RFX3: variants seen among roughly 807,000 people sequenced by gnomAD.
The protein encoded by RFX3 is transcription factor RFX3.
A neutral mutation model predicts 98.6 loss-of-function variants in RFX3; 14 were observed. The observed-to-expected ratio is 0.14, with a 90% confidence interval of 0.09 to 0.22. RFX3 has a LOEUF of 0.22. RFX3 is among the 10% of genes least tolerant of loss of function. The probability of loss-of-function intolerance (pLI) is 1.00; values close to 1 mark genes in which losing one functional copy is unlikely to be tolerated. For synonymous variants in RFX3, 383 were observed against 328.4 expected (o/e 1.17, Z -1.80); for missense variants, 639 against 926.9 (o/e 0.69, Z 4.03).
intron 9 of RFX3, among the ~76,000 whole-genome samples, chr9:3,271,953 C>T (rs1824544142): frequency 6.6e-6 from 1 of 152,230 alleles, no homozygotes; most frequent in Non-Finnish European, 1.5e-5. Context: ...TTAAGACTAT[C>T]TCCTTTTCAA....
At chr9:3,337,719 C>T (rs994040385) in intron 3 of RFX3, among the ~76,000 whole-genome samples, 6 of 152,156 alleles carry the variant, frequency 3.9e-5, no homozygotes, top group Non-Finnish European at 8.8e-5. Context: ...ATCACTTGTG[C>T]CTGCCTGTTT....
intron 15 of RFX3, among the ~76,000 whole-genome samples, chr9:3,242,993 A>C (rs1298923505): frequency 6.6e-6 from 1 of 151,952 alleles, no homozygotes; most frequent in Non-Finnish European, 1.5e-5. Context: ...TTTATGAAGC[A>C]ATCAAAATTT....
intron 2 of RFX3, among the ~76,000 whole-genome samples, chr9:3,354,092 A>C (rs1354467558): frequency 1.3e-5 from 2 of 152,052 alleles, no homozygotes; most frequent in African/African-American, 2.4e-5. Context: ...TTAAAATGAA[A>C]GCTTAGCAAT....
chr9:3,267,345 G>A (rs1308665389), intron 11 of RFX3, among the ~76,000 whole-genome samples: 2 of 151,820 alleles, frequency 1.3e-5, no homozygotes, highest in African/African-American at 4.8e-5. Flanking sequence ...ATTTTGGGCC[G>A]AGGTCCCCAG....
At chr9:3,385,421 A>C (rs1370564719) in intron 2 of RFX3, among the ~76,000 whole-genome samples, 1 of 152,172 alleles carries the variant, frequency 6.6e-6, no homozygotes, top group Admixed American at 6.6e-5. Context: ...TTGAAGAAGA[A>C]AACTCTTGGC....
chr9:3,327,207 A>T (rs1422008522), intron 4 of RFX3, among the ~76,000 whole-genome samples: 1 of 152,138 alleles, frequency 6.6e-6, no homozygotes, highest in African/African-American at 2.4e-5. Context: ...CTAAAAAAAA[A>T]AATCTTGATT....
At chr9:3,460,669 C>T (rs1393987882) in intron 1 of RFX3, among the ~76,000 whole-genome samples, 1 of 151,968 alleles carries the variant, frequency 6.6e-6, no homozygotes, top group Non-Finnish European at 1.5e-5. Context: ...TTCATAGACT[C>T]TCAGAGCTAA....
chr9:3,496,601 T>A (rs1003808152), intron 1 of RFX3, among the ~76,000 whole-genome samples: 2 of 152,032 alleles, frequency 1.3e-5, no homozygotes, highest in African/African-American at 4.8e-5. Flanking sequence ...ACTATCACGT[T>A]AAGCTCTCTC....
At chr9:3,479,781 T>A (rs749816653) in intron 1 of RFX3, among the ~76,000 whole-genome samples, 2 of 152,018 alleles carry the variant, frequency 1.3e-5, no homozygotes, top group Non-Finnish European at 1.5e-5. Context: ...AAACTGGAAG[T>A]GGGAAATCGA....
chr9:3,384,228 A>T (rs1839479019), intron 2 of RFX3, among the ~76,000 whole-genome samples: 1 of 152,104 alleles, frequency 6.6e-6, no homozygotes, highest in Non-Finnish European at 1.5e-5. Context: ...TGCATTATTT[A>T]GTGTATTCCT....
chr9:3,467,149 A>ATATATATGTATATACGTATATAATG (rs1848351487), intron 1 of RFX3, among the ~76,000 whole-genome samples: 1 of 97,666 alleles, frequency 1.0e-5, no homozygotes, highest in Non-Finnish European at 1.8e-5. Flanking sequence ...TATATACATA[A>ATATATATGTATATACGTATATAATG]TATATATGTA....
At chr9:3,414,036 T>A (rs181272413) in intron 1 of RFX3, among the ~76,000 whole-genome samples, 1 of 152,238 alleles carries the variant, frequency 6.6e-6, no homozygotes, top group African/African-American at 2.4e-5. Context: ...ACATATCTGC[T>A]AATAAACTTA....
chr9:3,504,988 GTT>G (rs1379505933), intron 1 of RFX3, among the ~76,000 whole-genome samples: 3 of 23,614 alleles, frequency 1.3e-4, no homozygotes, highest in African/African-American at 3.4e-4. Flanking sequence ...TAATATATAT[GTT>G]ATATATATTA....
intron 1 of RFX3, among the ~76,000 whole-genome samples, chr9:3,502,910 G>A (rs1816196824): frequency 6.6e-6 from 1 of 152,154 alleles, no homozygotes; most frequent in Non-Finnish European, 1.5e-5. Flanking sequence ...AAAGGAGAGT[G>A]ATGGATACAT....
At chr9:3,372,609 G>C (rs1023397321) in intron 2 of RFX3, among the ~76,000 whole-genome samples, 3 of 148,060 alleles carry the variant, frequency 2.0e-5, no homozygotes, top group Non-Finnish European at 4.5e-5. Flanking sequence ...GTGCGGTGGT[G>C]TGATCTTGGC....
At chr9:3,388,548 G>C (rs974815041) in intron 2 of RFX3, among the ~76,000 whole-genome samples, 7 of 152,128 alleles carry the variant, frequency 4.6e-5, no homozygotes, top group African/African-American at 1.7e-4. Context: ...TAATGACTCA[G>C]ATTATGAACA....
intron 1 of RFX3, among the ~76,000 whole-genome samples, chr9:3,504,425 T>TGGC (rs1816491842): frequency 1.5e-5 from 2 of 135,898 alleles, no homozygotes; most frequent in South Asian, 2.3e-4. Context: ...ATATACCACA[T>TGGC]AGTATATATT....
intron 4 of RFX3, among the ~76,000 whole-genome samples, chr9:3,327,636 C>G (rs904207900): frequency 6.6e-6 from 1 of 151,012 alleles, no homozygotes; most frequent in Admixed American, 6.6e-5. Context: ...AAAAAATCAC[C>G]TTAGAATTTT....
At chr9:3,521,508 C>G (rs1818707387) in intron 1 of RFX3, among the ~76,000 whole-genome samples, 1 of 152,116 alleles carries the variant, frequency 6.6e-6, no homozygotes, top group African/African-American at 2.4e-5. Flanking sequence ...AACAGCACAG[C>G]ACCCTCTGGT....
Sources: gnomAD v4.1 joint callset for allele counts (sites outside exome capture counted in the v4.1 genomes callset) on GRCh38, gnomAD v4.1.1 for gene constraint, MANE v1.5 for transcripts, NCBI Gene and HGNC (gene_info 2026-07-23, HGNC 2026-07-21) for gene names.